AKT3: variants seen among roughly 807,000 people sequenced by gnomAD.
AKT3 encodes RAC-gamma serine/threonine-protein kinase.
A neutral mutation model predicts 65.3 loss-of-function variants in AKT3; 15 were observed. That is an observed-to-expected ratio of 0.23 (90% CI 0.15 to 0.35). The LOEUF (loss-of-function observed/expected upper bound fraction) is 0.35. Ranked by LOEUF, AKT3 falls within the 10% of genes least tolerant of loss-of-function variation. The probability of loss-of-function intolerance (pLI) is 1.00; values close to 1 mark genes in which losing one functional copy is unlikely to be tolerated. For synonymous variants in AKT3, 206 were observed against 183.8 expected (o/e 1.12, Z -0.98); for missense variants, 243 against 576.5 (o/e 0.42, Z 5.92).
At chr1:243,632,691 C>G (rs1679693725) in intron 6 of AKT3, among the ~76,000 whole-genome samples, 1 of 152,210 alleles carries the variant, frequency 6.6e-6, no homozygotes, top group Non-Finnish European at 1.5e-5. Flanking sequence ...CATGGAAAAT[C>G]TGTGGTTTCG....
chr1:243,746,366 T>C (rs1307497905), intron 2 of AKT3, among the ~76,000 whole-genome samples: 1 of 152,222 alleles, frequency 6.6e-6, no homozygotes, highest in Non-Finnish European at 1.5e-5. Context: ...GAGCTAAACA[T>C]GCTTTATCTT....
intron 2 of AKT3, among the ~76,000 whole-genome samples, chr1:243,697,545 C>T (rs1208408863): frequency 6.6e-6 from 1 of 152,026 alleles, no homozygotes; most frequent in East Asian, 1.9e-4. Context: ...ATGTGAAAAT[C>T]CATTGATCTA....
chr1:243,712,617 C>CT (rs1300894982), intron 2 of AKT3, among the ~76,000 whole-genome samples: 1 of 151,974 alleles, frequency 6.6e-6, no homozygotes, highest in African/African-American at 2.4e-5. Context: ...CAGAGCTTCT[C>CT]TTTTTTGTTT....
In AKT3 at chr1:243,750,408, TACACACACACAC is replaced by T. The variant is rs56210876; in HGVS notation, c.47-54704_47-54693del. On this transcript the variant is annotated intron_variant, in intron 2 of 13. Transcript: ENST00000673466. ...CTCCCCTCTCACATGCATGCACGTA[TACACACACACAC>T]ACACACACACACACGCACGCACGCA... is the stretch of plus-strand genomic sequence containing the variant. 6.7e-5 allele frequency among the ~76,000 whole-genome samples: 10 copies of T among 149,396 alleles called. 1 individual carries two copies. In the East Asian group the frequency reaches 1.6e-3, roughly 24 times the overall value.
At chr1:243,649,582 G>A (rs962364187) in intron 4 of AKT3, among the ~76,000 whole-genome samples, 5 of 151,900 alleles carry the variant, frequency 3.3e-5, no homozygotes, top group Non-Finnish European at 5.9e-5. Context: ...CTCCCTGACA[G>A]GCCCCAGTAT....
intron 8 of AKT3, chr1:243,612,854 C>T (rs1363121937): frequency 6.6e-6 from 1 of 151,720 alleles, no homozygotes; most frequent in Non-Finnish European, 1.5e-5. Flanking sequence ...TCCTGGCCAA[C>T]ATGGTGAAAC....
At chr1:243,781,707 T>C (rs986423849) in intron 2 of AKT3, among the ~76,000 whole-genome samples, 1 of 152,218 alleles carries the variant, frequency 6.6e-6, no homozygotes, top group African/African-American at 2.4e-5. Context: ...AAGTATCTAT[T>C]ACTTTTTAAG....
At chr1:243,648,076 G>C (rs1404377674) in intron 4 of AKT3, among the ~76,000 whole-genome samples, 1 of 151,920 alleles carries the variant, frequency 6.6e-6, no homozygotes, top group Non-Finnish European at 1.5e-5. Flanking sequence ...TGGCCAACAT[G>C]GTGAAACCTC....
At chr1:243,693,001 G>T (rs1287170115) in intron 3 of AKT3, among the ~76,000 whole-genome samples, 1 of 151,550 alleles carries the variant, frequency 6.6e-6, no homozygotes, top group Non-Finnish European at 1.5e-5. Flanking sequence ...ATACGAAGTG[G>T]AAACAATGAG....
At chr1:243,830,612 G>A (rs1694446360) in intron 2 of AKT3, among the ~76,000 whole-genome samples, 1 of 152,094 alleles carries the variant, frequency 6.6e-6, no homozygotes, top group Admixed American at 6.5e-5. Flanking sequence ...CAGATACAGT[G>A]CAACTTTAGT....
In AKT3 at chr1:243,515,092, C is replaced by G. The variant is rs76837264; in HGVS notation, c.1252-2666G>C. Among the ~76,000 whole-genome samples, 765 of 152,244 alleles carry G rather than the reference C, an allele frequency of 5.0e-3. 9 individuals are homozygous for G. The highest frequency in any genetic ancestry group is 0.018 in the African/African-American group (732 of 41,536). On this transcript the variant is annotated intron_variant, in intron 12 of 13. Coordinates refer to ENST00000673466, the MANE Select transcript of AKT3 (RefSeq NM_005465.7). ...CTGGCTTGTTCATTTAGCATTATTA[C>G]TTTGATATTCATCCATGTCACCACA...
At chr1:243,721,863 G>C (rs191927944) in intron 2 of AKT3, among the ~76,000 whole-genome samples, 1 of 152,026 alleles carries the variant, frequency 6.6e-6, no homozygotes, top group African/African-American at 2.4e-5. Context: ...TCAGAGGTGA[G>C]ATTACCCTAC....
In AKT3 at chr1:243,504,218, C is replaced by T. The variant is rs140237232; in HGVS notation, c.*1031G>A. 1.2e-4 allele frequency: 26 copies of T among 213,060 alleles called. No homozygotes were observed. The highest frequency in any genetic ancestry group is 4.7e-4 in the African/African-American group (21 of 44,232). The allele number at this position is 213,060 out of a possible 1,614,324, so 13.2% of individuals were successfully genotyped here. A position where few individuals can be genotyped will look rare whatever the true frequency, so the allele number is the denominator to read the frequency against. ...TGCTAACATGACATACAATTCTCAT[C>T]ACTAAAAAATAAATACTACTGCAAT... is the stretch of plus-strand genomic sequence containing the variant. On this transcript the variant is annotated 3_prime_UTR_variant, in exon 14 of 14. Coordinates refer to ENST00000673466, the MANE Select transcript of AKT3 (RefSeq NM_005465.7).
At chr1:243,751,978 G>C (rs1225170365) in intron 2 of AKT3, among the ~76,000 whole-genome samples, 2 of 152,170 alleles carry the variant, frequency 1.3e-5, no homozygotes, top group Non-Finnish European at 2.9e-5. Context: ...TTCAGGGAAA[G>C]GTGGAGGACA....
chr1:243,713,485 G>A (rs764870577), intron 2 of AKT3, among the ~76,000 whole-genome samples: 13 of 151,930 alleles, frequency 8.6e-5, no homozygotes, highest in Non-Finnish European at 1.6e-4. Context: ...ATCATAAACC[G>A]TCTCAAGTTC....
At chr1:243,782,215 T>C (rs1690958283) in intron 2 of AKT3, among the ~76,000 whole-genome samples, 1 of 152,110 alleles carries the variant, frequency 6.6e-6, no homozygotes, top group Non-Finnish European at 1.5e-5. Context: ...GATCAAAACT[T>C]GTAAAGCGGT....
chr1:243,515,932 G>A (rs541470899), intron 12 of AKT3, among the ~76,000 whole-genome samples: 8 of 151,512 alleles, frequency 5.3e-5, no homozygotes, highest in South Asian at 4.2e-4. Context: ...AGCTGAGATC[G>A]CGTCACTGCA....
intron 12 of AKT3, among the ~76,000 whole-genome samples, chr1:243,519,455 G>T (rs1322335640): frequency 6.6e-6 from 1 of 152,136 alleles, no homozygotes; most frequent in Non-Finnish European, 1.5e-5. Context: ...AGTGGAAATG[G>T]TCCAGTCAAA....
intron 12 of AKT3, among the ~76,000 whole-genome samples, chr1:243,527,469 T>C (rs1001362887): frequency 6.6e-6 from 1 of 152,190 alleles, no homozygotes; most frequent in African/African-American, 2.4e-5. Context: ...CTTTATATAA[T>C]ACTTATATAA....
Sources: allele counts gnomAD v4.1 joint callset (sites outside exome capture counted in the v4.1 genomes callset), GRCh38; gene constraint gnomAD v4.1.1; transcripts MANE v1.5; gene names NCBI Gene and HGNC (gene_info 2026-07-23, HGNC 2026-07-21).